The following GPHN variants were observed in gnomAD, a reference collection of about 807,000 sequenced individuals.
GPHN encodes the protein gephyrin.
In GPHN, 17 loss-of-function variants were observed where a neutral mutation model predicts 95.5. That is an observed-to-expected ratio of 0.18 (90% confidence interval 0.12 to 0.27). The LOEUF is 0.27. Among genes scored for constraint, GPHN ranks in the 10% least tolerant of loss-of-function variants. The pLI, the probability that GPHN is intolerant of heterozygous loss-of-function variation, is 1.00. For missense variants in GPHN, 660 were observed against 978.1 expected, an observed-to-expected ratio of 0.67 and a Z score of 4.34; for synonymous variants, 320 against 322.5, an observed-to-expected ratio of 0.99 and a Z score of 0.08.
the GPHN span, among the ~76,000 whole-genome samples, chr14:67,645,067 C>A: frequency 1.9e-4 from 29 of 150,494 alleles, no homozygotes; most frequent in Admixed American, 1.3e-3. Context: ...TCTTTTTACT[C>A]AGTGGTCTAA....
chr14:67,686,618 G>A, the GPHN span, among the ~76,000 whole-genome samples: 11 of 134,830 alleles, frequency 8.2e-5, no homozygotes, highest in African/African-American at 2.6e-4. Context: ...CAGCCTGGGC[G>A]ACAGAGTGAG....
chr14:66,722,941 G>A (rs1256495837), intron 2 of GPHN, among the ~76,000 whole-genome samples: 1 of 151,900 alleles, frequency 6.6e-6, no homozygotes, highest in Non-Finnish European at 1.5e-5. Context: ...TCTTACTTTA[G>A]GACAAAGTGA....
chr14:67,401,114 C>T, the GPHN span, among the ~76,000 whole-genome samples: 2 of 152,022 alleles, frequency 1.3e-5, no homozygotes, highest in Admixed American at 1.3e-4. Flanking sequence ...GGAGATACAT[C>T]CCCTTTAAAG....
At chr14:67,107,233 C>A (rs957221763) in intron 13 of GPHN, among the ~76,000 whole-genome samples, 1 of 152,062 alleles carries the variant, frequency 6.6e-6, no homozygotes, top group Non-Finnish European at 1.5e-5. Flanking sequence ...CTGAAGGGAT[C>A]CCTCTTGGTG....
chr14:66,765,653 A>G (rs914435869), intron 2 of GPHN, among the ~76,000 whole-genome samples: 4 of 152,178 alleles, frequency 2.6e-5, no homozygotes, highest in African/African-American at 9.7e-5. Flanking sequence ...AAAACTACCT[A>G]TTGGGTACTC....
At chr14:67,291,370 G>A in the GPHN span, among the ~76,000 whole-genome samples, 1 of 152,074 alleles carries the variant, frequency 6.6e-6, no homozygotes, top group Non-Finnish European at 1.5e-5. Flanking sequence ...TGGGATTACA[G>A]GCGCCTGCCA....
intron 5 of GPHN, among the ~76,000 whole-genome samples, chr14:66,898,927 CAT>C (rs1163065743): frequency 6.6e-6 from 1 of 151,736 alleles, no homozygotes; most frequent in Non-Finnish European, 1.5e-5. Flanking sequence ...AAAGTCTGAA[CAT>C]GTTTCGTTAG....
the GPHN span, among the ~76,000 whole-genome samples, chr14:67,245,340 C>G: frequency 6.6e-6 from 1 of 152,034 alleles, no homozygotes; most frequent in Admixed American, 6.6e-5. Flanking sequence ...TAGATTTAGC[C>G]ATTTTAGTAG....
chr14:66,619,944 C>T (rs2063219645), intron 1 of GPHN, among the ~76,000 whole-genome samples: 1 of 152,036 alleles, frequency 6.6e-6, no homozygotes, highest in Non-Finnish European at 1.5e-5. Flanking sequence ...AGTACAAGGA[C>T]CCTTACGGGC....
chr14:66,579,905 A>G (rs1199828771), intron 1 of GPHN, among the ~76,000 whole-genome samples: 1 of 151,828 alleles, frequency 6.6e-6, no homozygotes, highest in Non-Finnish European at 1.5e-5. Flanking sequence ...AGTTCATCCA[A>G]CAACATTGGA....
chr14:67,184,842 G>A (rs1484349737), downstream of GPHN, among the ~76,000 whole-genome samples: 1 of 152,312 alleles, frequency 6.6e-6, no homozygotes, highest in East Asian at 1.9e-4. Context: ...CTTGCCAAGA[G>A]AAGAGGACAG....
At chr14:67,067,985 G>T (rs1174700440) in intron 11 of GPHN, among the ~76,000 whole-genome samples, 1 of 152,228 alleles carries the variant, frequency 6.6e-6, no homozygotes, top group Non-Finnish European at 1.5e-5. Flanking sequence ...ATCCCAATGA[G>T]ATGAACTGGG....
At chr14:67,363,520 T>G in the GPHN span, among the ~76,000 whole-genome samples, 6 of 152,206 alleles carry the variant, frequency 3.9e-5, no homozygotes, top group Non-Finnish European at 8.8e-5. Context: ...GAATATAGTC[T>G]TACTGATAAG....
intron 2 of GPHN, among the ~76,000 whole-genome samples, chr14:66,754,609 T>A (rs1276599844): frequency 6.7e-6 from 1 of 149,448 alleles, no homozygotes; most frequent in Non-Finnish European, 1.5e-5. Context: ...AGAAATAAGA[T>A]CTACTTATTT....
intron 9 of GPHN, among the ~76,000 whole-genome samples, chr14:66,967,232 TAAAAG>T (rs2069400185): frequency 6.6e-6 from 1 of 151,962 alleles, no homozygotes; most frequent in Non-Finnish European, 1.5e-5. Context: ...ATTAATATAA[TAAAAG>T]AAACTAGTTT....
At chr14:66,660,432 C>G (rs976919317) in intron 1 of GPHN, among the ~76,000 whole-genome samples, 3 of 152,046 alleles carry the variant, frequency 2.0e-5, no homozygotes, top group African/African-American at 4.8e-5. Context: ...TCCAAGAGTT[C>G]TTATTTTTTT....
chr14:67,603,876 T>G, the GPHN span, among the ~76,000 whole-genome samples: 1 of 152,102 alleles, frequency 6.6e-6, no homozygotes, highest in Non-Finnish European at 1.5e-5. Context: ...AGATGGGGTT[T>G]CTCCATGTTG....
chr14:67,015,576 A>C (rs2073260446), intron 9 of GPHN, among the ~76,000 whole-genome samples: 7 of 152,104 alleles, frequency 4.6e-5, no homozygotes. Context: ...GCACACCTGT[A>C]GTCCCAGCTA....
At chr14:67,130,360 A>T (rs1793512974) in intron 17 of GPHN, among the ~76,000 whole-genome samples, 1 of 152,194 alleles carries the variant, frequency 6.6e-6, no homozygotes, top group African/African-American at 2.4e-5. Flanking sequence ...ACAAGTAAGA[A>T]CATGCAGTAT....
Sources: allele counts gnomAD v4.1 joint callset (sites outside exome capture counted in the v4.1 genomes callset), GRCh38; gene constraint gnomAD v4.1.1; transcripts MANE v1.5; gene names NCBI Gene and HGNC (gene_info 2026-07-23, HGNC 2026-07-21).